ATXN7L1: variants seen among roughly 807,000 people sequenced by gnomAD.
ATXN7L1 encodes the protein ataxin 7 like 1, also known as ataxin-7-like protein 1.
A neutral mutation model predicts 70.8 loss-of-function variants in ATXN7L1; 15 were observed. That is an observed-to-expected ratio of 0.21 (90% confidence interval 0.14 to 0.33). The LOEUF (loss-of-function observed/expected upper bound fraction) is 0.33, where lower values mean the gene tolerates loss of function less well. Ranked by LOEUF, ATXN7L1 falls within the 10% of genes least tolerant of loss-of-function variation. The probability of loss-of-function intolerance (pLI) is 1.00; values close to 1 mark genes in which losing one functional copy is unlikely to be tolerated. For synonymous variants in ATXN7L1, 440 were observed against 445.1 expected (o/e 0.99, Z 0.14); for missense variants, 975 against 1,097.1 (o/e 0.89, Z 1.57).
chr7:105,619,147 T>TTTTTTTTG lies in ATXN7L1; in HGVS notation c.1517+1052_1517+1053insCAAAAAAA, dbSNP rs1173681588. Among the ~76,000 whole-genome samples the TTTTTTTTG allele has an allele frequency of 3.6e-5, 4 of 110,360 alleles. 1 individual carries two copies. The highest frequency in any genetic ancestry group is 6.8e-5 in the African/African-American group (2 of 29,378). The allele number at this position is 110,360 out of a possible 152,430, so 72.4% of individuals were successfully genotyped here. On this transcript the variant is annotated intron_variant, in intron 9 of 11. Transcript: ENST00000419735. ...ACCATAATGAAATCTTTAGTTTTTT[T>TTTTTTTTG]TTTTTTTTTTTTTTTTTTGAGACGG...
At chr7:105,794,859 C>G (rs1805758869) in intron 2 of ATXN7L1, among the ~76,000 whole-genome samples, 1 of 152,222 alleles carries the variant, frequency 6.6e-6, no homozygotes, top group Non-Finnish European at 1.5e-5. Context: ...ACTCACAGAT[C>G]AGGCTTGTAG....
chr7:105,722,981 A>T (rs1284484621), intron 3 of ATXN7L1, among the ~76,000 whole-genome samples: 1 of 152,076 alleles, frequency 6.6e-6, no homozygotes, highest in Non-Finnish European at 1.5e-5. Flanking sequence ...GAGGCTGAGG[A>T]GGGAGGATTG....
chr7:105,851,135 G>A (rs1225040824), intron 2 of ATXN7L1, among the ~76,000 whole-genome samples: 1 of 152,072 alleles, frequency 6.6e-6, no homozygotes, highest in Non-Finnish European at 1.5e-5. Flanking sequence ...TCTCCTCCAG[G>A]CAATAATACC....
intron 3 of ATXN7L1, among the ~76,000 whole-genome samples, chr7:105,668,390 T>A (rs990501340): frequency 1.3e-5 from 2 of 152,118 alleles, no homozygotes; most frequent in Non-Finnish European, 2.9e-5. Flanking sequence ...TGTGCCACCA[T>A]ACCCGGCTAA....
At chr7:105,750,638 C>T (rs1162698337) in intron 3 of ATXN7L1, among the ~76,000 whole-genome samples, 2 of 152,046 alleles carry the variant, frequency 1.3e-5, no homozygotes, top group Non-Finnish European at 2.9e-5. Context: ...CCCGTCTCTA[C>T]TAAAAAATAC....
rs745370065 is a variant in ATXN7L1 at position 105,796,294 on chromosome 7, G to A, written c.251-7586C>T. On this transcript the variant is annotated intron_variant, in intron 2 of 11. Coordinates refer to ENST00000419735, the MANE Select transcript of ATXN7L1 (RefSeq NM_020725.2). ...AGGAGAATAGCTTGAACCGTGAGGC[G>A]GAGCTTGCAGTGAACAGAGATCGCG... Among the ~76,000 whole-genome samples, 126 of 152,192 alleles carry A rather than the reference G, an allele frequency of 8.3e-4. 2 individuals are homozygous for A. The highest frequency in any genetic ancestry group is 2.5e-4 in the Non-Finnish European group (17 of 68,036).
At chr7:105,760,103 A>G (rs928459595) in intron 3 of ATXN7L1, 1 of 810,378 alleles carries the variant, frequency 1.2e-6, no homozygotes, top group Middle Eastern at 6.3e-4. Context: ...TCTGGCTTCC[A>G]TCATGCTTTC....
At chr7:105,764,014 C>T (rs1800907272) in intron 3 of ATXN7L1, among the ~76,000 whole-genome samples, 1 of 151,978 alleles carries the variant, frequency 6.6e-6, no homozygotes, top group African/African-American at 2.4e-5. Flanking sequence ...CCACCATGCC[C>T]AGCTAATTTT....
At chr7:105,644,232 T>C (rs17150689) in intron 4 of ATXN7L1, among the ~76,000 whole-genome samples, 5,497 of 152,300 alleles carry the variant, frequency 0.036, 223 homozygotes, top group African/African-American at 0.094. Flanking sequence ...TTCTCTAAGA[T>C]TCATTCACAG....
At chr7:105,696,775 C>T (rs929422602) in intron 3 of ATXN7L1, among the ~76,000 whole-genome samples, 1 of 152,224 alleles carries the variant, frequency 6.6e-6, no homozygotes, top group Non-Finnish European at 1.5e-5. Context: ...TCAGTACATC[C>T]ACCCCACGGA....
intron 3 of ATXN7L1, among the ~76,000 whole-genome samples, chr7:105,727,108 G>T (rs1795903091): frequency 6.6e-6 from 1 of 151,982 alleles, no homozygotes; most frequent in South Asian, 2.1e-4. Context: ...TTTTTCCAGG[G>T]TGAGTATACC....
chr7:105,708,305 A>T (rs1793435662), intron 3 of ATXN7L1, among the ~76,000 whole-genome samples: 1 of 152,194 alleles, frequency 6.6e-6, no homozygotes, highest in Non-Finnish European at 1.5e-5. Context: ...GAATGATTTC[A>T]ATGGTCCCCT....
Position 105,876,576 on chromosome 7 carries a change from A to C in ATXN7L1, c.-18T>G. 9 of 1,118,162 alleles carry C rather than the reference A, an allele frequency of 8.0e-6. No individual in the cohort carries two copies. Among genetic ancestry groups the C allele is most frequent in the Non-Finnish European group, 1.1e-5 (9 of 814,462 alleles). The allele number at this position is 1,118,162 out of a possible 1,614,324, so 69.3% of individuals were successfully genotyped here. On this transcript the variant is annotated 5_prime_UTR_variant, in exon 1 of 12. An upstream start codon of the reference 5' UTR is lost. Transcript: ENST00000419735. The stretch of plus-strand genomic sequence containing the variant: ...GACGTCATCTTCGGAACGTTCCGAC[A>C]TTGAGTGTTCTGAAAGGGGGAGGGA...
At chr7:105,630,603 T>C (rs1303556399) in intron 7 of ATXN7L1, among the ~76,000 whole-genome samples, 1 of 152,190 alleles carries the variant, frequency 6.6e-6, no homozygotes, top group East Asian at 1.9e-4. Context: ...GCACCTATAG[T>C]CCCAGCTACT....
At chr7:105,873,110 C>T (rs1321371026) in intron 2 of ATXN7L1, among the ~76,000 whole-genome samples, 4 of 151,982 alleles carry the variant, frequency 2.6e-5, no homozygotes, top group Non-Finnish European at 5.9e-5. Context: ...GCTGAGATTG[C>T]GCCACTGCAC....
chr7:105,724,783 C>T (rs1171542965), intron 3 of ATXN7L1, among the ~76,000 whole-genome samples: 1 of 151,840 alleles, frequency 6.6e-6, no homozygotes, highest in Non-Finnish European at 1.5e-5. Flanking sequence ...GCCTTTTCCC[C>T]TGTGTGTCTC....
chr7:105,723,854 T>C (rs756613233), intron 3 of ATXN7L1, among the ~76,000 whole-genome samples: 25 of 152,206 alleles, frequency 1.6e-4, no homozygotes, highest in African/African-American at 6.0e-4. Context: ...CAAGTGTCCA[T>C]GCGGCTGCTG....
chr7:105,637,870 C>T (rs764915555), intron 7 of ATXN7L1, among the ~76,000 whole-genome samples: 5 of 152,158 alleles, frequency 3.3e-5, no homozygotes, highest in African/African-American at 9.7e-5. Flanking sequence ...AAACAAATAT[C>T]GTGGCAACTG....
At chr7:105,790,867 C>A (rs12533538) in intron 2 of ATXN7L1, among the ~76,000 whole-genome samples, 10,406 of 152,110 alleles carry the variant, frequency 0.068, 535 homozygotes, top group East Asian at 0.26. Context: ...AGGGGTGATA[C>A]AGGAATTAAA....
Sources: gnomAD v4.1 joint callset for allele counts (sites outside exome capture counted in the v4.1 genomes callset) on GRCh38, gnomAD v4.1.1 for gene constraint, MANE v1.5 for transcripts, NCBI Gene and HGNC (gene_info 2026-07-23, HGNC 2026-07-21) for gene names.